The following GCNA variants were observed in gnomAD, a reference collection of about 807,000 sequenced individuals.
GCNA encodes germ cell nuclear acidic protein.
Under a neutral mutation model 38.8 loss-of-function variants are expected in GCNA, and 3 were observed. That is an observed-to-expected ratio of 0.08 (90% CI 0.04 to 0.20). GCNA has a LOEUF of 0.20. GCNA is among the 10% of genes least tolerant of loss of function. The pLI is 1.00. For missense variants in GCNA, 446 were observed against 578.6 expected, an observed-to-expected ratio of 0.77 and a Z score of 2.35; for synonymous variants, 195 against 240.2, an observed-to-expected ratio of 0.81 and a Z score of 1.74.
intron 4 of GCNA, among the ~76,000 whole-genome samples, chrX:71,593,996 G>A (rs1302454099): frequency 8.9e-6 from 1 of 111,868 alleles, no homozygotes; most frequent in Non-Finnish European, 1.9e-5. Context: ...GATTACAGGC[G>A]TGAGCCTCCA....
intron 6 of GCNA, among the ~76,000 whole-genome samples, chrX:71,596,904 T>C (rs774781751): frequency 1.8e-5 from 2 of 112,066 alleles, no homozygotes; most frequent in Non-Finnish European, 3.8e-5. Context: ...GCATACTGAC[T>C]AAATATCAGC....
At chrX:71,597,805 G>A (rs2040682486) in intron 6 of GCNA, 145 bp from the exon 7 acceptor site, 1 of 441,148 alleles carries the variant, frequency 2.3e-6, no homozygotes, top group Non-Finnish European at 4.0e-6. Flanking sequence ...GAAGGATTGA[G>A]TAGTTCCAAA....
In GCNA at chrX:71,605,776, G is replaced by T. The variant is rs756265580; in HGVS notation, c.1466+47G>T. The stretch of plus-strand genomic sequence containing the variant: ...TTGAACAGGAATTTATTGCACAGCC[G>T]TCACACTGGGCAGTCCACTGGGCAC... On this transcript the variant is annotated intron_variant, in intron 9 of 12. Transcript: ENST00000373696. 4 of 1,099,812 alleles carry T rather than the reference G, an allele frequency of 3.6e-6. No homozygotes were observed. In the South Asian group the frequency reaches 6.1e-5, roughly 17 times the overall value. 90.6% of individuals were successfully genotyped at this position (1,099,812 alleles called of 1,213,427 possible).
At position 71,597,975 on chromosome X, in the gene GCNA, T is replaced by A. The variant is rs1216466626; in HGVS notation, c.247T>A (p.Ser83Thr). 1.7e-6 allele frequency: 2 copies of A among 1,210,834 alleles called. No individual in the cohort carries two copies. Among genetic ancestry groups the A allele is most frequent in the East Asian group, 5.9e-5 (2 of 33,858 alleles). Residue 83 changes from serine to threonine, a missense_variant, in exon 7 of 13, where the codon TCT becomes ACT. Physicochemically the swap from Ser to Thr is moderately conservative, Grantham distance 58 (BLOSUM62 1). Transcript: ENST00000373696. ...ASSVVVIDSD[S>T]DEECHTHEEK... Reference sequence around the variant, plus strand: ...CTCCGTGGTAGTGATTGACTCTGATTCTGATGAGGAATGTCACACCCATGA... The same window carrying A: ...CTCCGTGGTAGTGATTGACTCTGATACTGATGAGGAATGTCACACCCATGA...
chrX:71,597,838 G>C, intron 6 of GCNA, 112 bp from the exon 7 acceptor site: 1 of 533,286 alleles, frequency 1.9e-6, no homozygotes, highest in Non-Finnish European at 3.1e-6. Context: ...AGTTACTGTG[G>C]GAAACAAAAA....
chrX:71,603,220 C>T (rs1454070929), intron 7 of GCNA, among the ~76,000 whole-genome samples: 3 of 112,095 alleles, frequency 2.7e-5, no homozygotes, highest in Non-Finnish European at 5.6e-5. Context: ...TGTGATTCCT[C>T]CACTTTGTTC....
At chrX:71,597,455 G>A (rs897650778) in intron 6 of GCNA, among the ~76,000 whole-genome samples, 2 of 111,129 alleles carry the variant, frequency 1.8e-5, no homozygotes, top group Non-Finnish European at 3.8e-5. Context: ...GCACTGCTGA[G>A]TTTGACACCT....
chrX:71,603,908 G>A lies in GCNA; in HGVS notation c.631G>A (p.Asp211Asn), dbSNP rs140761910. ...SDDSSDDNSD[D>N]SDVPDDKSDD... ...TGATTCATCCGACGACAACAGTGAT[G>A]ATTCGGATGTTCCCGACGACAAGAG... The change falls in exon 8 of 13, where the codon GAT becomes AAT. Residue 211 changes from aspartate (D) to asparagine (N), a missense_variant. Around this residue, in one of 7 missense-constraint regions of GCNA, gnomAD observed 118 missense variants for 122.8 expected, o/e 0.96. Transcript: ENST00000373696. The A allele has an allele frequency of 8.3e-7, 1 of 1,208,230 alleles. No homozygotes were observed. Among genetic ancestry groups the A allele is most frequent in the Non-Finnish European group, 1.1e-6 (1 of 894,413 alleles).
In GCNA at chrX:71,604,674, C is replaced by G. The variant is rs764939520; in HGVS notation, c.1397C>G (p.Pro466Arg). 2.5e-6 allele frequency: 3 copies of G among 1,208,777 alleles called. No homozygotes were observed. In the Admixed American group the frequency reaches 6.6e-5, roughly 27 times the overall value. Reference protein sequence around the residue: ...KAKTKNVSVTPGHKKRGPSKK... With the variant: ...KAKTKNVSVTRGHKKRGPSKK... ...AAAACCAAAAATGTATCTGTGACAC[C>G]TGGTAAGCCAGTCATGCCAAGTATG... is the stretch of plus-strand genomic sequence containing the variant. The change falls in exon 8 of 13, where the codon CCT (proline) becomes CGT (arginine). Residue 466 changes from proline (P) to arginine (R), a missense_variant and splice_region_variant. Coordinates refer to ENST00000373696, the MANE Select transcript of GCNA (RefSeq NM_052957.5).
chrX:71,612,283 G>GAAAAAAAAAA (rs756270122), intron 11 of GCNA, 72 bp from the exon 12 acceptor site: 4 of 294,892 alleles, frequency 1.4e-5, no homozygotes, highest in African/African-American at 1.3e-4. Context: ...CTCAAAAAAG[G>GAAAAAAAAAA]AAAAAAAAAA....
intron 7 of GCNA, among the ~76,000 whole-genome samples, chrX:71,600,070 T>C (rs1363913218): frequency 8.9e-6 from 1 of 112,064 alleles, no homozygotes; most frequent in Non-Finnish European, 1.9e-5. Flanking sequence ...TCCAGAATCA[T>C]AGAAAGCTAG....
intron 9 of GCNA, among the ~76,000 whole-genome samples, chrX:71,606,590 C>A (rs780475201): frequency 9.0e-6 from 1 of 111,394 alleles, no homozygotes; most frequent in Non-Finnish European, 1.9e-5. Context: ...TATTTTTTAA[C>A]GAGTATTTGG....
At chrX:71,593,435 T>A (rs986553229) in intron 4 of GCNA, among the ~76,000 whole-genome samples, 2 of 111,749 alleles carry the variant, frequency 1.8e-5, no homozygotes, top group Non-Finnish European at 1.9e-5. Flanking sequence ...CCGGCTGCTG[T>A]CTGGCGAGCT....
chrX:71,578,793 C>T (rs765491029), intron 1 of GCNA, among the ~76,000 whole-genome samples: 2 of 106,141 alleles, frequency 1.9e-5, no homozygotes, highest in Admixed American at 9.9e-5. Context: ...CCGGTGGCGG[C>T]GTAGGAGCAG....
chrX:71,602,071 C>T (rs1001744318), intron 7 of GCNA, among the ~76,000 whole-genome samples: 1 of 112,406 alleles, frequency 8.9e-6, no homozygotes, highest in African/African-American at 3.2e-5. Flanking sequence ...TACATTCCTA[C>T]CAGCAATGTA....
At chrX:71,579,434 C>T (rs1233674982) in intron 1 of GCNA, among the ~76,000 whole-genome samples, 46 of 95,181 alleles carry the variant, frequency 4.8e-4, no homozygotes, top group Admixed American at 1.6e-3. Flanking sequence ...GTTCTGGTGG[C>T]GGCGTAGGAA....
Position 71,603,705 on chromosome X carries a change from G to C in GCNA, c.428G>C (p.Ser143Thr). Residue 143 changes from serine to threonine, a missense_variant, in exon 8 of 13, where the codon AGT becomes ACT. Physicochemically the swap from Ser to Thr is moderately conservative, Grantham distance 58. Around this residue, in one of 7 missense-constraint regions of GCNA, gnomAD observed 118 missense variants for 122.8 expected, o/e 0.96. Coordinates refer to ENST00000373696, the MANE Select transcript of GCNA (RefSeq NM_052957.5). The part of the protein sequence containing the change: ...GNDLEVPDDN[S>T]DDSEAPDDNS... Reference sequence around the variant, plus strand: ...GATTTGGAAGTTCCCGACGACAACAGTGATGATTCAGAAGCTCCCGACGAC... The same window carrying C: ...GATTTGGAAGTTCCCGACGACAACACTGATGATTCAGAAGCTCCCGACGAC... 3 of 1,212,141 alleles carry C rather than the reference G, an allele frequency of 2.5e-6. No homozygotes were observed. The highest frequency in any genetic ancestry group is 2.2e-6 in the Non-Finnish European group (2 of 895,606).
intron 2 of GCNA, among the ~76,000 whole-genome samples, chrX:71,589,366 A>G (rs1475838314): frequency 9.9e-6 from 1 of 100,803 alleles, no homozygotes; most frequent in Non-Finnish European, 2.0e-5. Flanking sequence ...TGGTGCACTG[A>G]GGCCTCCACC....
chrX:71,587,887 T>C (rs992745560), intron 2 of GCNA, among the ~76,000 whole-genome samples: 1 of 111,597 alleles, frequency 9.0e-6, no homozygotes, highest in Non-Finnish European at 1.9e-5. Flanking sequence ...TCTCCTGGGT[T>C]CAAGTGATTC....
Sources: allele counts gnomAD v4.1 joint callset (sites outside exome capture counted in the v4.1 genomes callset), GRCh38; gene constraint gnomAD v4.1.1; regional missense constraint gnomAD v4.1.1; transcripts MANE v1.5; gene names NCBI Gene and HGNC (gene_info 2026-07-23, HGNC 2026-07-21).